The following BCL9 variants were observed in gnomAD, a reference collection of about 807,000 sequenced individuals.
BCL9 encodes BCL9 transcription coactivator.
A neutral mutation model predicts 88.5 loss-of-function variants in BCL9; 25 were observed. The ratio of observed to expected loss-of-function variants is 0.28; its 90% CI spans 0.21 to 0.39. The LOEUF (loss-of-function observed/expected upper bound fraction) is 0.39. BCL9 is among the 10% of genes least tolerant of loss of function. The pLI, the probability that BCL9 is intolerant of heterozygous loss-of-function variation, is 1.00. For missense variants in BCL9, 1,817 were observed against 1,877.8 expected (o/e 0.97, Z 0.60); for synonymous variants, 711 against 673.3 (o/e 1.06, Z -0.87).
At chr1:147,582,764 G>A (rs1299054082) in intron 1 of BCL9, among the ~76,000 whole-genome samples, 2 of 152,136 alleles carry the variant, frequency 1.3e-5, no homozygotes, top group Non-Finnish European at 2.9e-5. Context: ...TGCTTTCACC[G>A]TACAATGGCA....
chr1:147,585,683 TTTA>T (rs1169728846), intron 1 of BCL9, among the ~76,000 whole-genome samples: 4 of 152,134 alleles, frequency 2.6e-5, no homozygotes, highest in Admixed American at 6.5e-5. Flanking sequence ...AGACACCTTG[TTTA>T]TTATTATGGT....
chr1:147,622,669 A>G, intron 9 of BCL9, 138 bp downstream of exon 9: 3 of 1,109,236 alleles, frequency 2.7e-6, no homozygotes, highest in Non-Finnish European at 3.8e-6. Context: ...AGGTAGTTTC[A>G]GTAGAATGAA....
intron 7 of BCL9, among the ~76,000 whole-genome samples, chr1:147,617,838 A>G (rs1435458861): frequency 2.0e-5 from 3 of 152,156 alleles, no homozygotes; most frequent in Admixed American, 1.3e-4. Context: ...GGTCTCTGAG[A>G]CAGGGTTTGT....
chr1:147,553,302 C>T (rs185284732), intron 1 of BCL9, among the ~76,000 whole-genome samples: 1 of 152,280 alleles, frequency 6.6e-6, no homozygotes, highest in Admixed American at 6.5e-5. Flanking sequence ...CTTAGCTTCT[C>T]TTTTCCCAAA....
intron 1 of BCL9, among the ~76,000 whole-genome samples, chr1:147,561,607 G>A (rs1157271544): frequency 6.6e-6 from 1 of 152,116 alleles, no homozygotes; most frequent in East Asian, 1.9e-4. Context: ...ATTCTTCAAC[G>A]AATATTTATC....
intron 8 of BCL9, 127 bp from the exon 9 acceptor site, chr1:147,622,144 G>C (rs1486898021): frequency 5.4e-6 from 7 of 1,292,662 alleles, no homozygotes; most frequent in Non-Finnish European, 7.5e-6. Flanking sequence ...TTGTGTCTGG[G>C]ATCTAATAAC....
intron 7 of BCL9, 30 bp from the exon 8 acceptor site, chr1:147,618,786 A>G (rs1487319496): frequency 2.0e-6 from 3 of 1,497,522 alleles, no homozygotes; most frequent in East Asian, 4.7e-5. Context: ...CAGTTTACTA[A>G]TGATTTTTAA....
At chr1:147,558,912 C>G (rs1336369459) in intron 1 of BCL9, among the ~76,000 whole-genome samples, 5 of 152,144 alleles carry the variant, frequency 3.3e-5, no homozygotes, top group African/African-American at 1.2e-4. Context: ...TTTGATTTTT[C>G]CAGCACCTCA....
In BCL9 at chr1:147,544,105, C is replaced by T. The variant is rs190008496; in HGVS notation, c.-478+2431C>T. On this transcript the variant is annotated intron_variant, in intron 1 of 9. Coordinates refer to ENST00000234739, the MANE Select transcript of BCL9 (RefSeq NM_004326.4). ...CACTGAGGATATAGGAAGAGAAAGG[C>T]AGATATACCCCTGCCCTCAGGGAAC... Among the ~76,000 whole-genome samples the T allele has an allele frequency of 1.2e-3, 185 of 152,286 alleles. 1 individual carries two copies. Among genetic ancestry groups the T allele is most frequent in the African/African-American group, 4.2e-3 (175 of 41,560 alleles).
intron 6 of BCL9, 29 bp from the exon 7 acceptor site, chr1:147,615,774 A>G (rs782244291): frequency 1.3e-6 from 2 of 1,568,078 alleles, no homozygotes; most frequent in South Asian, 1.1e-5. Flanking sequence ...AACAAGTTCT[A>G]GTGTGTGCTG....
In BCL9 at chr1:147,619,720, C is replaced by G; in HGVS notation, c.1565C>G (p.Pro522Arg). ...RGPPPPYQMT[P>R]SEGWAPGGTE... Reference sequence around the variant, plus strand: ...CCCCCCCCTCCATACCAGATGACCCCTAGTGAAGGCTGGGCACCTGGGGGT... The same window carrying G: ...CCCCCCCCTCCATACCAGATGACCCGTAGTGAAGGCTGGGCACCTGGGGGT... The change falls in exon 8 of 10, where the codon CCT (proline) becomes CGT (arginine). Residue 522 changes from proline to arginine, a missense_variant. Physicochemically the swap from Pro to Arg is moderately radical, Grantham distance 103. Transcript: ENST00000234739. This position sits in a 1 kb window ranked among gnomAD's most constrained non-coding sequence, Gnocchi z 4.1. 1 of 1,614,088 alleles carries G rather than the reference C, an allele frequency of 6.2e-7. No individual in the cohort carries two copies. The highest frequency in any genetic ancestry group is 8.5e-7 in the Non-Finnish European group (1 of 1,180,032).
At chr1:147,597,431 C>T (rs1657104215) in intron 1 of BCL9, among the ~76,000 whole-genome samples, 2 of 152,090 alleles carry the variant, frequency 1.3e-5, no homozygotes, top group African/African-American at 2.4e-5. Context: ...CATCAAAATC[C>T]TTTATTTTTA....
chr1:147,602,122 A>G (rs1319258480), intron 1 of BCL9, among the ~76,000 whole-genome samples: 3 of 151,576 alleles, frequency 2.0e-5, no homozygotes, highest in Non-Finnish European at 4.4e-5. Flanking sequence ...GGTGGTCTCG[A>G]GCTCCTGACT....
Position 147,611,681 on chromosome 1 carries a change from CAA to C in BCL9, c.-154_-153del, listed in dbSNP as rs1658009521. The C allele has an allele frequency of 1.1e-5, 7 of 654,160 alleles. No homozygotes were observed. The highest frequency in any genetic ancestry group is 3.9e-5 in the South Asian group (2 of 51,042). The allele number at this position is 654,160 out of a possible 1,614,324, so 40.5% of individuals were successfully genotyped here. Reference sequence around the variant, plus strand: ...GACCCACTTCCACAGCAGAGAAAAACAAAGAGGAAAAAGGCATACAGGCAGCG... The same window carrying C: ...GACCCACTTCCACAGCAGAGAAAAACAGAGGAAAAAGGCATACAGGCAGCG... On this transcript the variant is annotated 5_prime_UTR_variant, in exon 4 of 10. The change abolishes the stop of an existing upstream ORF in the 5' untranslated region. Coordinates refer to ENST00000234739, the MANE Select transcript of BCL9 (RefSeq NM_004326.4).
chr1:147,569,011 A>G (rs1471469363), intron 1 of BCL9, among the ~76,000 whole-genome samples: 1 of 152,040 alleles, frequency 6.6e-6, no homozygotes, highest in Non-Finnish European at 1.5e-5. Flanking sequence ...AAGCAGTCCA[A>G]TATAAAGTGA....
chr1:147,617,727 G>A (rs1570912044), intron 7 of BCL9, among the ~76,000 whole-genome samples: 2 of 152,206 alleles, frequency 1.3e-5, no homozygotes, highest in Non-Finnish European at 2.9e-5. Context: ...TAGGTGAGGA[G>A]GTAAGAGCCT....
chr1:147,546,294 C>T (rs1177160542), intron 1 of BCL9, among the ~76,000 whole-genome samples: 7 of 151,204 alleles, frequency 4.6e-5, no homozygotes, highest in Non-Finnish European at 1.0e-4. Context: ...GCTGAGATCC[C>T]GCCACTGTAC....
chr1:147,612,788 G>T, intron 4 of BCL9, 95 bp from the exon 5 acceptor site: 1 of 1,265,576 alleles, frequency 7.9e-7, no homozygotes, highest in South Asian at 1.4e-5. Flanking sequence ...AGTCCTAAGG[G>T]TCTCCTTGAC....
At chr1:147,584,193 G>A (rs970457695) in intron 1 of BCL9, among the ~76,000 whole-genome samples, 11 of 151,802 alleles carry the variant, frequency 7.2e-5, no homozygotes, top group African/African-American at 1.2e-4. Context: ...GATTACAGGC[G>A]CACGCCACCA....
Sources: gnomAD v4.1 joint callset for allele counts (sites outside exome capture counted in the v4.1 genomes callset) on GRCh38, gnomAD v4.1.1 for gene constraint, Gnocchi (gnomAD v3.1) non-coding constraint, MANE v1.5 for transcripts, NCBI Gene and HGNC (gene_info 2026-07-23, HGNC 2026-07-21) for gene names.